Variants in ZNF407 observed in about 807,000 individuals in gnomAD.
ZNF407 encodes the protein zinc finger protein 407.
Under a neutral mutation model 131.2 loss-of-function variants are expected in ZNF407, and 17 were observed. The ratio of observed to expected loss-of-function variants is 0.13; its 90% CI spans 0.09 to 0.19. The LOEUF is 0.19. Among genes scored for constraint, ZNF407 ranks in the 10% least tolerant of loss-of-function variants. The probability of loss-of-function intolerance (pLI) is 1.00; values close to 1 mark genes in which losing one functional copy is unlikely to be tolerated. For missense variants in ZNF407, 2,681 were observed against 2,830.6 expected (o/e 0.95, Z 1.20); for synonymous variants, 1,156 against 1,062.0 (o/e 1.09, Z -1.72).
rs962265671 is a variant in ZNF407, at chr18:74,976,275, C to T, written c.5428+55583C>T. On this transcript the variant is annotated intron_variant, in intron 8 of 8. Transcript: ENST00000299687. ...GTAGAGTAGTTTACGTGTTCTGTCA[C>T]ATTAAAAGCTTTTTTTAAAGGGATG... 1.4e-4 allele frequency among the ~76,000 whole-genome samples: 21 copies of T among 152,336 alleles called. No homozygotes were observed. In the East Asian group the frequency reaches 1.7e-3, roughly 13 times the overall value.
chr18:74,736,617 G>A (rs1968419320), intron 3 of ZNF407, among the ~76,000 whole-genome samples: 1 of 152,020 alleles, frequency 6.6e-6, no homozygotes, highest in Admixed American at 6.6e-5. Context: ...ATAAAATGTA[G>A]ATACAACTGT....
At chr18:74,956,598 A>G (rs1409202258) in intron 8 of ZNF407, among the ~76,000 whole-genome samples, 1 of 152,030 alleles carries the variant, frequency 6.6e-6, no homozygotes, top group Non-Finnish European at 1.5e-5. Context: ...GCTGATGTTG[A>G]GATGAAGGTT....
intron 8 of ZNF407, among the ~76,000 whole-genome samples, chr18:75,045,553 A>G (rs1370572658): frequency 6.6e-6 from 1 of 152,214 alleles, no homozygotes; most frequent in Non-Finnish European, 1.5e-5. Context: ...TTATGAAACA[A>G]AAGCACCCAA....
At chr18:74,797,520 G>A (rs1234933623) in intron 4 of ZNF407, among the ~76,000 whole-genome samples, 1 of 152,212 alleles carries the variant, frequency 6.6e-6, no homozygotes, top group African/African-American at 2.4e-5. Context: ...GACACATCTG[G>A]TACAGAATTG....
intron 3 of ZNF407, among the ~76,000 whole-genome samples, chr18:74,672,040 A>T (rs1986159763): frequency 6.6e-6 from 1 of 152,076 alleles, no homozygotes; most frequent in Non-Finnish European, 1.5e-5. Flanking sequence ...ATGTGTCTTT[A>T]TGGTAGAGTG....
intron 8 of ZNF407, among the ~76,000 whole-genome samples, chr18:75,019,856 C>A (rs942368013): frequency 2.0e-5 from 3 of 152,068 alleles, no homozygotes; most frequent in African/African-American, 7.2e-5. Flanking sequence ...GGAGGTGATA[C>A]ACACTTTTGA....
At chr18:74,749,249 TCTC>T (rs1246758355) in intron 3 of ZNF407, among the ~76,000 whole-genome samples, 1 of 152,158 alleles carries the variant, frequency 6.6e-6, no homozygotes, top group Non-Finnish European at 1.5e-5. Flanking sequence ...CGTGTACAGG[TCTC>T]CTCTCTGCTG....
chr18:74,928,694 T>G (rs1042290742), intron 8 of ZNF407, among the ~76,000 whole-genome samples: 2 of 152,174 alleles, frequency 1.3e-5, no homozygotes, highest in Non-Finnish European at 2.9e-5. Flanking sequence ...TTGTCAATCT[T>G]AAGATCTCTA....
At chr18:74,966,111 A>C (rs911899792) in intron 8 of ZNF407, among the ~76,000 whole-genome samples, 1 of 152,076 alleles carries the variant, frequency 6.6e-6, no homozygotes, top group Non-Finnish European at 1.5e-5. Flanking sequence ...CATTCTGTGC[A>C]TTATTGCTTC....
chr18:74,964,687 G>A (rs1325005355), intron 8 of ZNF407, among the ~76,000 whole-genome samples: 1 of 132,204 alleles, frequency 7.6e-6, no homozygotes, highest in Non-Finnish European at 1.6e-5. Context: ...TTTCATTGTT[G>A]ACTTTTATTA....
chr18:74,969,604 G>A (rs192179922), intron 8 of ZNF407, among the ~76,000 whole-genome samples: 1 of 152,336 alleles, frequency 6.6e-6, no homozygotes, highest in Non-Finnish European at 1.5e-5. Flanking sequence ...CCAGGTGTCT[G>A]TTGGTGGGGA....
chr18:74,617,910 G>A (rs1215540253), intron 1 of ZNF407, among the ~76,000 whole-genome samples: 1 of 152,188 alleles, frequency 6.6e-6, no homozygotes, highest in Non-Finnish European at 1.5e-5. Flanking sequence ...GTCTTTGCCA[G>A]TATGCTTTTC....
chr18:74,973,276 T>C (rs1278370347), intron 8 of ZNF407, among the ~76,000 whole-genome samples: 3 of 152,202 alleles, frequency 2.0e-5, no homozygotes, highest in East Asian at 1.9e-4. Flanking sequence ...TATAAAATTA[T>C]ATAGAATAAC....
intron 4 of ZNF407, chr18:74,804,063 T>C (rs1291673654): frequency 1.9e-6 from 3 of 1,551,594 alleles, no homozygotes; most frequent in Non-Finnish European, 2.6e-6. Flanking sequence ...GTGAGCACTT[T>C]TCATAACTGA....
At chr18:74,865,598 T>G (rs976063862) in intron 4 of ZNF407, among the ~76,000 whole-genome samples, 1 of 152,218 alleles carries the variant, frequency 6.6e-6, no homozygotes, top group East Asian at 1.9e-4. Flanking sequence ...TAAATGATAA[T>G]GTTATTCCAC....
intron 3 of ZNF407, among the ~76,000 whole-genome samples, chr18:74,776,724 G>A (rs1039685642): frequency 6.6e-6 from 1 of 152,138 alleles, no homozygotes; most frequent in Non-Finnish European, 1.5e-5. Flanking sequence ...CCTCAAAAAC[G>A]TAACTACTAA....
At chr18:74,830,898 C>T (rs1413357265) in intron 4 of ZNF407, among the ~76,000 whole-genome samples, 1 of 151,936 alleles carries the variant, frequency 6.6e-6, no homozygotes, top group Non-Finnish European at 1.5e-5. Context: ...GTCATTTAAC[C>T]AATGTCTCCC....
chr18:74,913,370 G>A (rs1026699222), intron 7 of ZNF407, among the ~76,000 whole-genome samples: 2 of 152,182 alleles, frequency 1.3e-5, no homozygotes, highest in Admixed American at 6.5e-5. Context: ...CTATGAAGCT[G>A]TTAAAAAGGA....
intron 8 of ZNF407, among the ~76,000 whole-genome samples, chr18:74,997,187 G>A (rs1268706589): frequency 1.3e-5 from 2 of 152,276 alleles, no homozygotes; most frequent in East Asian, 1.9e-4. Flanking sequence ...AGCAGTGGGA[G>A]GTAAGCATTA....
Sources: allele counts gnomAD v4.1 joint callset (sites outside exome capture counted in the v4.1 genomes callset), GRCh38; gene constraint gnomAD v4.1.1; transcripts MANE v1.5; gene names NCBI Gene and HGNC (gene_info 2026-07-23, HGNC 2026-07-21).